UMODL1: variants seen among roughly 807,000 people sequenced by gnomAD.
The protein encoded by UMODL1 is uromodulin like 1.
A neutral mutation model predicts 136.3 loss-of-function variants in UMODL1; 128 were observed. The observed-to-expected ratio is 0.94, with a 90% confidence interval of 0.81 to 1.09. The LOEUF is 1.09. UMODL1 is among the 50% of genes least tolerant of loss of function. UMODL1 has a pLI of 0.00. For missense variants in UMODL1, 1,766 were observed against 1,725.6 expected (o/e 1.02, Z -0.41); for synonymous variants, 721 against 720.0 (o/e 1.00, Z -0.02).
At chr21:42,102,093 C>A in intron 7 of UMODL1, 73 bp from the exon 8 acceptor site, 1 of 1,172,936 alleles carries the variant, frequency 8.5e-7, no homozygotes, top group Non-Finnish European at 1.2e-6. Context: ...AAAGAGTAGG[C>A]TTCATGGAAA....
Position 42,113,740 on chromosome 21 carries a change from G to A in UMODL1, c.2272G>A (p.Gly758Arg), listed in dbSNP as rs1422287818. Residue 758 changes from glycine (G) to arginine (R), a missense_variant, in exon 13 of 23, where the codon GGG becomes AGG. Physicochemically the swap from Gly to Arg is moderately radical, Grantham distance 125. Coordinates refer to ENST00000408910, the MANE Select transcript of UMODL1 (RefSeq NM_001004416.3). ...CTGGAACACGAGTGTGACACTGTCG[G>A]GGCTGGAGCCTGGGGTCTTGCACCT... is the stretch of plus-strand genomic sequence containing the variant. Reference protein sequence around the residue: ...ETWNTSVTLSGLEPGVLHLVE... With the variant: ...ETWNTSVTLSRLEPGVLHLVE... 3 of 1,614,086 alleles carry A rather than the reference G, an allele frequency of 1.9e-6. No individual in the cohort carries two copies. In the South Asian group the frequency reaches 3.3e-5, roughly 18 times the overall value.
At position 42,111,159 on chromosome 21, in the gene UMODL1, G is replaced by C. The variant is rs370742405; in HGVS notation, c.1899+38G>C. On this transcript the variant is annotated intron_variant, in intron 11 of 22. Coordinates refer to ENST00000408910, the MANE Select transcript of UMODL1 (RefSeq NM_001004416.3). The stretch of plus-strand genomic sequence containing the variant: ...GCCCCGGGTCTGGGGATGGACCAGG[G>C]GAGCCCCAGCCAGGTGAACCCCAGC... The C allele has an allele frequency of 2.8e-5, 45 of 1,586,968 alleles. No individual in the cohort carries two copies. Among genetic ancestry groups the C allele is most frequent in the Non-Finnish European group, 3.3e-5 (39 of 1,167,290 alleles).
At chr21:42,126,553 A>G in intron 18 of UMODL1, 63 bp downstream of exon 18, 6 of 1,609,944 alleles carry the variant, frequency 3.7e-6, no homozygotes, top group Non-Finnish European at 5.1e-6. Flanking sequence ...GCGCTTTGAG[A>G]GTTCTTTAGG....
chr21:42,111,621 C>A lies in UMODL1; in HGVS notation c.2015C>A (p.Thr672Lys). ...RSTRETLLNPTWLRNEDSGPS... is the reference protein window; with the variant it reads ...RSTRETLLNPKWLRNEDSGPS... ...ACCCGGGAAACACTTCTGAATCCCA[C>A]GTGGCTGCGAAATGAGGACAGTGGA... Residue 672 changes from threonine to lysine, a missense_variant, in exon 12 of 23, where the codon ACG becomes AAG. Coordinates refer to ENST00000408910, the MANE Select transcript of UMODL1 (RefSeq NM_001004416.3). 1 of 1,614,112 alleles carries A rather than the reference C, an allele frequency of 6.2e-7. No homozygotes were observed. The highest frequency in any genetic ancestry group is 8.5e-7 in the Non-Finnish European group (1 of 1,179,994).
Position 42,113,717 on chromosome 21 carries a change from GGAACAC to G in UMODL1, c.2252_2257del (p.Asn751_Thr752del), listed in dbSNP as rs781546577. Reference sequence around the variant, plus strand: ...AGCCCTGCTGTGGTCCTAGAGACCTGGAACACGAGTGTGACACTGTCGGGGCTGGAG... The same window carrying G: ...AGCCCTGCTGTGGTCCTAGAGACCTGGAGTGTGACACTGTCGGGGCTGGAG... On this transcript the variant is annotated inframe_deletion, in exon 13 of 23. Transcript: ENST00000408910. 3.7e-6 allele frequency: 6 copies of G among 1,613,990 alleles called. No homozygotes were observed. The highest frequency in any genetic ancestry group is 5.1e-6 in the Non-Finnish European group (6 of 1,180,046).
chr21:42,140,855 C>CT (rs2067272411), intron 22 of UMODL1, among the ~76,000 whole-genome samples: 1 of 152,142 alleles, frequency 6.6e-6, no homozygotes, highest in Admixed American at 6.5e-5. Context: ...ACTTTACACT[C>CT]TAATAGTGAA....
chr21:42,126,335 T>C lies in UMODL1; in HGVS notation c.3148-10T>C, dbSNP rs756129257. 1 of 1,613,876 alleles carries C rather than the reference T, an allele frequency of 6.2e-7. No individual in the cohort carries two copies. The highest frequency in any genetic ancestry group is 8.5e-7 in the Non-Finnish European group (1 of 1,179,926). On this transcript the variant is annotated splice_polypyrimidine_tract_variant and intron_variant, in intron 17 of 22. Transcript: ENST00000408910. Reference sequence around the variant, plus strand: ...GCCTGGGAGCTCCTCATGCTCCGCTTTGTGCTCAGAACATGACGAACACCG... The same window carrying C: ...GCCTGGGAGCTCCTCATGCTCCGCTCTGTGCTCAGAACATGACGAACACCG...
At chr21:42,108,116 G>T (rs1257274115) in intron 9 of UMODL1, among the ~76,000 whole-genome samples, 2 of 152,244 alleles carry the variant, frequency 1.3e-5, no homozygotes, top group East Asian at 3.8e-4. Flanking sequence ...GAGCTCGCTT[G>T]GGAGCTGTCT....
chr21:42,088,224 G>C (rs1372761580), intron 4 of UMODL1, 70 bp from the exon 5 acceptor site: 1 of 1,533,950 alleles, frequency 6.5e-7, no homozygotes, highest in Non-Finnish European at 8.9e-7. Context: ...CAGCTCTGCG[G>C]GCCTCAGTCT....
Position 42,123,704 on chromosome 21 carries a change from GTGTGTGAA to G in UMODL1, c.3147+559_3147+566del, listed in dbSNP as rs529230189. 1.4e-4 allele frequency among the ~76,000 whole-genome samples: 21 copies of G among 152,142 alleles called. No homozygotes were observed. In the East Asian group the frequency reaches 3.1e-3, roughly 22 times the overall value. On this transcript the variant is annotated intron_variant, in intron 17 of 22. Transcript: ENST00000408910. The surrounding 1 kb of genome is among the most constrained non-coding windows in gnomAD (Gnocchi z 4.4). ...TGTGCATGCATGTATGAATGTGTGAGTGTGTGAATGTGAGAATGTGTCTATGTGCATGT... is the reference window on the plus strand; with the variant it reads ...TGTGCATGCATGTATGAATGTGTGAGTGTGAGAATGTGTCTATGTGCATGT...
At chr21:42,107,094 C>A (rs1288339622) in intron 9 of UMODL1, among the ~76,000 whole-genome samples, 5 of 152,156 alleles carry the variant, frequency 3.3e-5, no homozygotes, top group African/African-American at 1.2e-4. Context: ...CTTTTTGAAC[C>A]CCTCACATCA....
intron 1 of UMODL1, among the ~76,000 whole-genome samples, chr21:42,073,152 T>C (rs909322397): frequency 2.0e-5 from 3 of 152,186 alleles, no homozygotes; most frequent in Non-Finnish European, 4.4e-5. Flanking sequence ...TAAGTGTCCT[T>C]AATGTGGTTG....
At chr21:42,070,874 A>T (rs1379733263), upstream of UMODL1, among the ~76,000 whole-genome samples, 1 of 152,212 alleles carries the variant, frequency 6.6e-6, no homozygotes, top group African/African-American at 2.4e-5. Context: ...TCTGAACGTG[A>T]TGTTCCACTT....
intron 1 of UMODL1, among the ~76,000 whole-genome samples, chr21:42,073,745 C>T (rs2066257187): frequency 6.6e-6 from 1 of 152,104 alleles, no homozygotes; most frequent in South Asian, 2.1e-4. Flanking sequence ...GAGATGCTGC[C>T]CCAGTGGAGC....
chr21:42,117,262 G>A (rs963819884), intron 14 of UMODL1, among the ~76,000 whole-genome samples: 2 of 152,168 alleles, frequency 1.3e-5, no homozygotes, highest in African/African-American at 4.8e-5. Flanking sequence ...TCATCCACGT[G>A]GCAGCATGTG....
At chr21:42,127,926 G>C in intron 20 of UMODL1, 95 bp downstream of exon 20, 1 of 1,535,572 alleles carries the variant, frequency 6.5e-7, no homozygotes, top group South Asian at 1.1e-5. Context: ...GGGCTCGAGT[G>C]GCTCGGGGCC....
chr21:42,127,977 G>A (rs753975794), intron 20 of UMODL1, 146 bp downstream of exon 20: 12 of 1,051,030 alleles, frequency 1.1e-5, no homozygotes, highest in African/African-American at 3.1e-5. Flanking sequence ...TGCAGACTCC[G>A]CGTCTGAAAT....
chr21:42,067,425 C>T (rs975982272), upstream of UMODL1, among the ~76,000 whole-genome samples: 2 of 152,200 alleles, frequency 1.3e-5, no homozygotes, highest in African/African-American at 4.8e-5. Context: ...CATTAAAACA[C>T]CATTAAATTA....
chr21:42,064,258 C>T (rs1175379318), intron 1 of UMODL1, among the ~76,000 whole-genome samples: 1 of 152,188 alleles, frequency 6.6e-6, no homozygotes, highest in Non-Finnish European at 1.5e-5. Flanking sequence ...GGGTGGGCCT[C>T]ATGCAATCAG....
Sources: gnomAD v4.1 joint callset for allele counts (sites outside exome capture counted in the v4.1 genomes callset) on GRCh38, gnomAD v4.1.1 for gene constraint, Gnocchi (gnomAD v3.1) non-coding constraint, MANE v1.5 for transcripts, NCBI Gene and HGNC (gene_info 2026-07-23, HGNC 2026-07-21) for gene names.